Variants in ZFHX3 observed in about 807,000 individuals in gnomAD.
The protein encoded by ZFHX3 is zinc finger homeobox 3.
A neutral mutation model predicts 279.1 loss-of-function variants in ZFHX3; 42 were observed. That is an observed-to-expected ratio of 0.15 (90% CI 0.12 to 0.19). ZFHX3 has a LOEUF of 0.19. Among genes scored for constraint, ZFHX3 ranks in the 10% least tolerant of loss-of-function variants. The pLI, the probability that ZFHX3 is intolerant of heterozygous loss-of-function variation, is 1.00. For missense variants in ZFHX3, 4,981 were observed against 4,754.0 expected, an observed-to-expected ratio of 1.05 and a Z score of -1.40; for synonymous variants, 2,293 against 1,957.8, an observed-to-expected ratio of 1.17 and a Z score of -4.52.
At chr16:73,646,961 C>G (rs550028271) in intron 2 of ZFHX3, among the ~76,000 whole-genome samples, 41 of 151,076 alleles carry the variant, frequency 2.7e-4, no homozygotes, top group African/African-American at 9.7e-4. Context: ...ATCTGAGAAA[C>G]AGGAGATGTT....
chr16:72,966,236 G>A (rs181280047), intron 1 of ZFHX3, among the ~76,000 whole-genome samples: 2 of 152,232 alleles, frequency 1.3e-5, no homozygotes, highest in Non-Finnish European at 2.9e-5. Flanking sequence ...CAATTAAAAT[G>A]CTCAACGGTG....
intron 3 of ZFHX3, among the ~76,000 whole-genome samples, chr16:72,921,488 C>T (rs2039583754): frequency 6.6e-6 from 1 of 152,220 alleles, no homozygotes; most frequent in African/African-American, 2.4e-5. Flanking sequence ...ATTTGGGATG[C>T]TTGGGTGCTA....
chr16:73,228,203 C>G (rs921404380), intron 5 of ZFHX3, among the ~76,000 whole-genome samples: 1 of 152,172 alleles, frequency 6.6e-6, no homozygotes, highest in Non-Finnish European at 1.5e-5. Context: ...TTACATATGG[C>G]TTTTGCAGGC....
chr16:73,039,944 T>C (rs1025156466), intron 1 of ZFHX3, among the ~76,000 whole-genome samples: 2 of 152,064 alleles, frequency 1.3e-5, no homozygotes, highest in African/African-American at 4.8e-5. Context: ...ATAAGCAATG[T>C]GAGGAAATGA....
At chr16:73,845,053 A>C (rs2142373731) in intron 1 of ZFHX3, among the ~76,000 whole-genome samples, 1 of 152,288 alleles carries the variant, frequency 6.6e-6, no homozygotes, top group South Asian at 2.1e-4. Context: ...CTTTTTTATA[A>C]GCAGCCATGC....
At chr16:73,512,028 A>G (rs2019436599) in intron 2 of ZFHX3, among the ~76,000 whole-genome samples, 1 of 152,168 alleles carries the variant, frequency 6.6e-6, no homozygotes. Context: ...TACCAGGGTT[A>G]GATCTCAGGA....
chr16:73,554,742 A>C (rs1471657300), intron 2 of ZFHX3: 1 of 152,162 alleles, frequency 6.6e-6, no homozygotes, highest in Non-Finnish European at 1.5e-5. Flanking sequence ...GTGGGATAGA[A>C]GGTGACAGCT....
intron 3 of ZFHX3, among the ~76,000 whole-genome samples, chr16:73,340,497 T>G (rs2016010912): frequency 6.6e-6 from 1 of 152,218 alleles, no homozygotes; most frequent in Non-Finnish European, 1.5e-5. Context: ...GCTGGGATTA[T>G]AGGTGCATGC....
intron 5 of ZFHX3, among the ~76,000 whole-genome samples, chr16:73,173,015 T>G (rs1166753811): frequency 4.9e-5 from 6 of 121,544 alleles, no homozygotes; most frequent in Non-Finnish European, 1.0e-4. Context: ...TTTGTTTTTT[T>G]TTTTTTTTTT....
chr16:72,883,238 T>A (rs1020263917), intron 4 of ZFHX3, among the ~76,000 whole-genome samples: 3 of 152,094 alleles, frequency 2.0e-5, no homozygotes, highest in Non-Finnish European at 4.4e-5. Flanking sequence ...CAAGACAGTA[T>A]ACACCCTGAG....
intron 2 of ZFHX3, among the ~76,000 whole-genome samples, chr16:73,488,185 C>G (rs1321610757): frequency 6.6e-6 from 1 of 152,136 alleles, no homozygotes; most frequent in African/African-American, 2.4e-5. Context: ...CCTTTGGGAG[C>G]TAATGTAAGA....
intron 1 of ZFHX3, among the ~76,000 whole-genome samples, chr16:73,798,865 T>C (rs1016580411): frequency 6.6e-6 from 1 of 152,154 alleles, no homozygotes; most frequent in Non-Finnish European, 1.5e-5. Context: ...CTCCTAGAGA[T>C]TTTAGGACAC....
chr16:73,754,906 C>T (rs962674609), intron 1 of ZFHX3, among the ~76,000 whole-genome samples: 2 of 152,078 alleles, frequency 1.3e-5, no homozygotes, highest in Admixed American at 1.3e-4. Flanking sequence ...CCTTTTCCCC[C>T]CAAACCCAAG....
intron 2 of ZFHX3, among the ~76,000 whole-genome samples, chr16:73,534,716 A>C (rs889712489): frequency 6.6e-6 from 1 of 152,222 alleles, no homozygotes; most frequent in Non-Finnish European, 1.5e-5. Flanking sequence ...TAGCTGCCAC[A>C]CCATCACTAC....
chr16:72,793,797 T>G lies in ZFHX3; in HGVS notation c.8885A>C (p.Lys2962Thr). 1 of 1,614,208 alleles carries G rather than the reference T, an allele frequency of 6.2e-7. No homozygotes were observed. Among genetic ancestry groups the G allele is most frequent in the Non-Finnish European group, 8.5e-7 (1 of 1,180,022 alleles). Residue 2962 changes from lysine (K) to threonine (T), a missense_variant, in exon 9 of 10, where the codon AAG becomes ACG. This residue lies in a region of ZFHX3 where 168 missense variants were observed against 249.1 expected (regional missense o/e 0.67). Transcript: ENST00000268489. The surrounding 1 kb of genome is among the most constrained non-coding windows in gnomAD (Gnocchi z 4.3). ...TGTCCTGTAGTCATTAAAGCATGAC[T>G]TGAGGACCTTCAGCTGCAGATTGGT... Reference protein sequence around the residue: ...QMTNLQLKVLKSCFNDYRTPT... With the variant: ...QMTNLQLKVLTSCFNDYRTPT...
At chr16:73,101,519 C>T (rs1966230071) in intron 7 of ZFHX3, among the ~76,000 whole-genome samples, 1 of 152,140 alleles carries the variant, frequency 6.6e-6, no homozygotes, top group Non-Finnish European at 1.5e-5. Context: ...GCTGGGACAA[C>T]AGGCAAGCGC....
intron 1 of ZFHX3, among the ~76,000 whole-genome samples, chr16:73,773,196 G>A (rs1329291647): frequency 1.3e-5 from 2 of 152,344 alleles, no homozygotes; most frequent in Non-Finnish European, 2.9e-5. Flanking sequence ...GGCCACAGTG[G>A]CTAGTGGCTA....
At chr16:73,150,210 A>G (rs1966907951) in intron 5 of ZFHX3, among the ~76,000 whole-genome samples, 1 of 152,326 alleles carries the variant, frequency 6.6e-6, no homozygotes, top group South Asian at 2.1e-4. Flanking sequence ...CAGGTTGTCC[A>G]GACCAAGGTG....
chr16:72,790,100 T>G lies in ZFHX3; in HGVS notation c.9428-1252A>C, dbSNP rs1415652498. The G allele has an allele frequency of 2.0e-5, 3 of 152,250 alleles. 1 individual carries two copies. The highest frequency in any genetic ancestry group is 4.8e-5 in the African/African-American group (2 of 41,422). 9.4% of individuals were successfully genotyped at this position (152,250 alleles called of 1,614,324 possible). On this transcript the variant is annotated intron_variant, in intron 9 of 9. Transcript: ENST00000268489. ...AGAGCCTAATACCCTCCCTGACCCA[T>G]AGCTATCTCCTGGTTTGAGTCACCA...
Sources: allele counts gnomAD v4.1 joint callset (sites outside exome capture counted in the v4.1 genomes callset), GRCh38; gene constraint gnomAD v4.1.1; regional missense constraint gnomAD v4.1.1; non-coding constraint Gnocchi (gnomAD v3.1); transcripts MANE v1.5; gene names NCBI Gene and HGNC (gene_info 2026-07-23, HGNC 2026-07-21).